The following COBL variants were observed in gnomAD, a reference collection of about 807,000 sequenced individuals.
COBL encodes the protein protein cordon-bleu.
In COBL, 51 loss-of-function variants were observed where a neutral mutation model predicts 98.8. That is an observed-to-expected ratio of 0.52 (90% CI 0.41 to 0.65). The LOEUF (loss-of-function observed/expected upper bound fraction) is 0.65. Among genes scored for constraint, COBL ranks in the 30% least tolerant of loss-of-function variants. COBL has a pLI of 0.00. For synonymous variants in COBL, 634 were observed against 651.7 expected, an observed-to-expected ratio of 0.97 and a Z score of 0.41; for missense variants, 1,617 against 1,617.5, an observed-to-expected ratio of 1.00 and a Z score of 0.01.
At position 51,094,855 on chromosome 7, in the gene COBL, AC is replaced by A. The variant is rs1417959701; in HGVS notation, c.958-9552del. Among the ~76,000 whole-genome samples, 7 of 152,322 alleles carry A rather than the reference AC, an allele frequency of 4.6e-5. No homozygotes were observed. The East Asian group carries it at 1.2e-3, about 25-fold the overall frequency. ...AAAGTATGAAAATATGTACTTTGTG[AC>A]ATCAAAATATGATGTGTATAGGGTG... On this transcript the variant is annotated intron_variant, in intron 6 of 12. Coordinates refer to ENST00000265136, the MANE Select transcript of COBL (RefSeq NM_015198.5).
At chr7:51,053,234 C>G (rs1583621494) in intron 7 of COBL, among the ~76,000 whole-genome samples, 1 of 152,200 alleles carries the variant, frequency 6.6e-6, no homozygotes, top group East Asian at 1.9e-4. Context: ...AAGCTGCCTA[C>G]AATCCCCTTT....
intron 4 of COBL, among the ~76,000 whole-genome samples, chr7:51,187,405 G>C (rs887009659): frequency 1.3e-4 from 19 of 149,256 alleles, no homozygotes; most frequent in Admixed American, 2.7e-4. Flanking sequence ...TTTCTGTATA[G>C]AAATATCTCT....
chr7:51,085,288 T>A lies in COBL; in HGVS notation c.974A>T (p.Gln325Leu), dbSNP rs766447716. ...KASEKVSLGSQIDLQKKKRRA... is the reference protein window; with the variant it reads ...KASEKVSLGSLIDLQKKKRRA... ...CCGCTTCTTCTTCTGTAAATCAATC[T>A]GTGACCCAAGAGATACCTATGAAGT... Residue 325 changes from glutamine (Q) to leucine (L), a missense_variant, in exon 7 of 13, where the codon CAG becomes CTG. Gln to Leu is a moderately radical substitution (Grantham distance 113). Coordinates refer to ENST00000265136, the MANE Select transcript of COBL (RefSeq NM_015198.5). 3.8e-6 allele frequency: 6 copies of A among 1,569,422 alleles called. No individual in the cohort carries two copies. Among genetic ancestry groups the A allele is most frequent in the Non-Finnish European group, 5.2e-6 (6 of 1,158,192 alleles).
chr7:51,159,098 G>C (rs575932634), intron 5 of COBL, among the ~76,000 whole-genome samples: 1 of 152,126 alleles, frequency 6.6e-6, no homozygotes, highest in Non-Finnish European at 1.5e-5. Context: ...GGAGGGCAGC[G>C]GGGGCGGCGT....
chr7:51,224,221 C>T (rs545499177), intron 1 of COBL, among the ~76,000 whole-genome samples: 2 of 152,304 alleles, frequency 1.3e-5, no homozygotes, highest in South Asian at 4.1e-4. Context: ...ATACATTTCT[C>T]AGAGTGCGCC....
chr7:51,166,743 A>C (rs559919885), intron 5 of COBL, among the ~76,000 whole-genome samples: 1 of 152,318 alleles, frequency 6.6e-6, no homozygotes, highest in East Asian at 1.9e-4. Context: ...TACATTAGAA[A>C]GATCATTCAT....
At chr7:51,290,597 C>T (rs935250158) in intron 1 of COBL, among the ~76,000 whole-genome samples, 1 of 151,970 alleles carries the variant, frequency 6.6e-6, no homozygotes, top group African/African-American at 2.4e-5. Flanking sequence ...AATTTAGGCT[C>T]GCCCCACCCT....
chr7:51,309,367 C>A (rs1377852115), intron 1 of COBL, among the ~76,000 whole-genome samples: 3 of 152,170 alleles, frequency 2.0e-5, no homozygotes, highest in Admixed American at 6.5e-5. Context: ...GAACGCTGCA[C>A]CCCAACACCA....
intron 6 of COBL, among the ~76,000 whole-genome samples, chr7:51,116,236 G>T (rs1425286076): frequency 1.3e-5 from 2 of 152,010 alleles, no homozygotes; most frequent in Non-Finnish European, 2.9e-5. Context: ...GTTTCCTGTT[G>T]TTGCTCCTGT....
intron 1 of COBL, among the ~76,000 whole-genome samples, chr7:51,278,569 G>A (rs1039805108): frequency 2.0e-5 from 3 of 151,414 alleles, no homozygotes; most frequent in Non-Finnish European, 2.9e-5. Context: ...TATTAGAGTC[G>A]GGGTTTCACC....
intron 1 of COBL, among the ~76,000 whole-genome samples, chr7:51,225,530 T>A (rs906704205): frequency 6.6e-6 from 1 of 152,158 alleles, no homozygotes; most frequent in Non-Finnish European, 1.5e-5. Flanking sequence ...CAGCAGGGAA[T>A]GAATCACAGC....
intron 6 of COBL, among the ~76,000 whole-genome samples, chr7:51,121,409 A>G (rs1343531575): frequency 6.6e-6 from 1 of 152,176 alleles, no homozygotes; most frequent in African/African-American, 2.4e-5. Flanking sequence ...TCCATACAAC[A>G]CATCCCTTAT....
At chr7:51,155,253 C>G (rs991233822) in intron 5 of COBL, among the ~76,000 whole-genome samples, 1 of 152,018 alleles carries the variant, frequency 6.6e-6, no homozygotes, top group African/African-American at 2.4e-5. Flanking sequence ...ATAAAATATG[C>G]AATATTTAGG....
chr7:51,180,133 T>C (rs1788793836), intron 5 of COBL, among the ~76,000 whole-genome samples: 1 of 152,244 alleles, frequency 6.6e-6, no homozygotes, highest in Non-Finnish European at 1.5e-5. Flanking sequence ...TCTGTTTTCT[T>C]TTTTAACAAG....
chr7:51,079,179 GACCAAGAA>G (rs1793386899), intron 7 of COBL, among the ~76,000 whole-genome samples: 1 of 152,176 alleles, frequency 6.6e-6, no homozygotes, highest in South Asian at 2.1e-4. Flanking sequence ...AGCAAGGCCA[GACCAAGAA>G]ACCACTCGAG....
intron 1 of COBL, among the ~76,000 whole-genome samples, chr7:51,305,040 A>G (rs781280719): frequency 3.5e-4 from 53 of 152,366 alleles, no homozygotes; most frequent in Non-Finnish European, 5.9e-4. Flanking sequence ...CCACTAGGTA[A>G]TACAAGGGCC....
intron 5 of COBL, among the ~76,000 whole-genome samples, chr7:51,140,756 AG>A (rs1307508053): frequency 6.6e-6 from 1 of 152,216 alleles, no homozygotes; most frequent in Non-Finnish European, 1.5e-5. Context: ...TAGGGCACTG[AG>A]AGTGCAGGGT....
intron 1 of COBL, among the ~76,000 whole-genome samples, chr7:51,309,180 T>C (rs1375499895): frequency 6.6e-6 from 1 of 152,086 alleles, no homozygotes; most frequent in Non-Finnish European, 1.5e-5. Context: ...AGCTGCCCTT[T>C]TAAGGACGAT....
At chr7:51,164,659 AT>A (rs1787120605) in intron 5 of COBL, among the ~76,000 whole-genome samples, 1 of 152,144 alleles carries the variant, frequency 6.6e-6, no homozygotes, top group Non-Finnish European at 1.5e-5. Context: ...GCAATAAGTA[AT>A]TACTTGAAGG....
Sources: gnomAD v4.1 joint callset for allele counts (sites outside exome capture counted in the v4.1 genomes callset) on GRCh38, gnomAD v4.1.1 for gene constraint, MANE v1.5 for transcripts, NCBI Gene and HGNC (gene_info 2026-07-23, HGNC 2026-07-21) for gene names.